The following GSE1 variants were observed in gnomAD, a reference collection of about 807,000 sequenced individuals.
GSE1 encodes the protein Gse1 coiled-coil protein.
In GSE1, 32 loss-of-function variants were observed where a neutral mutation model predicts 112.6. That is an observed-to-expected ratio of 0.28 (90% confidence interval 0.21 to 0.38). The LOEUF (loss-of-function observed/expected upper bound fraction) is 0.38. Ranked by LOEUF, GSE1 falls within the 10% of genes least tolerant of loss-of-function variation. GSE1 has a pLI of 1.00. For synonymous variants in GSE1, 1,115 were observed against 735.6 expected (o/e 1.52, Z -8.35); for missense variants, 2,348 against 1,699.2 (o/e 1.38, Z -6.71).
chr16:85,612,634 T>C (rs983471892), upstream of GSE1, among the ~76,000 whole-genome samples: 1 of 149,620 alleles, frequency 6.7e-6, no homozygotes, highest in South Asian at 2.1e-4. Flanking sequence ...TGGGGTGCCT[T>C]ATGGAATTTT....
intron 2 of GSE1, among the ~76,000 whole-genome samples, chr16:85,416,533 C>G (rs1345652776): frequency 6.6e-6 from 1 of 152,136 alleles, no homozygotes; most frequent in Non-Finnish European, 1.5e-5. Flanking sequence ...TGCGGTGTGC[C>G]CACTTGCCCT....
At chr16:85,378,328 C>A (rs11641847) in intron 2 of GSE1, among the ~76,000 whole-genome samples, 30,168 of 152,150 alleles carry the variant, frequency 0.2, 3,295 homozygotes, top group African/African-American at 0.29. Context: ...CCAGGCCAGG[C>A]GGCTTGGGGC....
chr16:85,172,372 T>A (rs1343703372), intron 1 of GSE1, among the ~76,000 whole-genome samples: 1 of 152,158 alleles, frequency 6.6e-6, no homozygotes, highest in Non-Finnish European at 1.5e-5. Context: ...GGGTGTGGAA[T>A]TTGAGGGACA....
chr16:85,171,912 C>A (rs190093098), intron 1 of GSE1: 1 of 628,836 alleles, frequency 1.6e-6, no homozygotes, highest in Non-Finnish European at 2.0e-6. Flanking sequence ...GAGGAGTTTT[C>A]ACTGGTTCTG....
intron 1 of GSE1, among the ~76,000 whole-genome samples, chr16:85,630,168 A>AC (rs1480760310): frequency 1.3e-5 from 2 of 151,814 alleles, no homozygotes; most frequent in East Asian, 1.9e-4. Flanking sequence ...ACGGCAGCTG[A>AC]CCCCCCTCCA....
chr16:85,588,144 C>T (rs958329240), intron 1 of GSE1, among the ~76,000 whole-genome samples: 7 of 152,216 alleles, frequency 4.6e-5, no homozygotes, highest in Admixed American at 2.0e-4. Flanking sequence ...GGGGTGAGCC[C>T]CTCTCCCCAG....
At chr16:85,397,857 G>A (rs568379141) in intron 2 of GSE1, among the ~76,000 whole-genome samples, 5 of 152,114 alleles carry the variant, frequency 3.3e-5, no homozygotes, top group Non-Finnish European at 4.4e-5. Flanking sequence ...CCTCCAGCCC[G>A]CATAGAAGGA....
At chr16:85,202,407 T>C (rs1001928350) in intron 1 of GSE1, among the ~76,000 whole-genome samples, 1 of 152,232 alleles carries the variant, frequency 6.6e-6, no homozygotes, top group African/African-American at 2.4e-5. Context: ...GCGGCCTGGC[T>C]TGGCTGGGAG....
chr16:85,322,361 C>T (rs16975522), intron 1 of GSE1, among the ~76,000 whole-genome samples: 4 of 152,120 alleles, frequency 2.6e-5, no homozygotes, highest in African/African-American at 9.7e-5. Context: ...TGAGAACTCC[C>T]GGAGGCTTCT....
At chr16:85,493,895 T>C (rs761724973) in intron 2 of GSE1, among the ~76,000 whole-genome samples, 1 of 149,828 alleles carries the variant, frequency 6.7e-6, no homozygotes, top group African/African-American at 2.5e-5. Flanking sequence ...GCCTGCGCAA[T>C]ATAAGTGAGA....
chr16:85,403,939 G>A (rs1451364918), intron 2 of GSE1, among the ~76,000 whole-genome samples: 2 of 152,136 alleles, frequency 1.3e-5, no homozygotes, highest in East Asian at 1.9e-4. Flanking sequence ...CAGCCTCTGG[G>A]GACTCTGGCT....
intron 5 of GSE1, 106 bp downstream of exon 5, chr16:85,655,097 G>A: frequency 1.3e-6 from 1 of 780,808 alleles, no homozygotes; most frequent in Non-Finnish European, 2.2e-6. Flanking sequence ...CAGGCTCCTA[G>A]GGGAGGGTCT....
chr16:85,189,525 T>C (rs1219203430), intron 1 of GSE1, among the ~76,000 whole-genome samples: 1 of 152,186 alleles, frequency 6.6e-6, no homozygotes. Flanking sequence ...ACAATAAAAA[T>C]GGCATTAAGT....
At chr16:85,617,604 C>A (rs1012701766) in intron 1 of GSE1, among the ~76,000 whole-genome samples, 2 of 101,106 alleles carry the variant, frequency 2.0e-5, no homozygotes, top group African/African-American at 3.4e-5. Context: ...CCTCCCCCCC[C>A]CCCCCCCGTT....
intron 2 of GSE1, among the ~76,000 whole-genome samples, chr16:85,367,430 C>G (rs2047207205): frequency 6.6e-6 from 1 of 152,232 alleles, no homozygotes; most frequent in African/African-American, 2.4e-5. Flanking sequence ...CAGACACAAC[C>G]CCTGCCCCGA....
intron 3 of GSE1, among the ~76,000 whole-genome samples, chr16:85,650,648 G>A (rs909082866): frequency 5.3e-5 from 8 of 152,186 alleles, no homozygotes; most frequent in African/African-American, 1.2e-4. Context: ...GTGTACCACC[G>A]CGGCGCTTAA....
In GSE1 at chr16:85,422,117, T is replaced by C. The variant is rs368245293; in HGVS notation, c.2464+64474T>C. Among the ~76,000 whole-genome samples, 19 of 151,850 alleles carry C rather than the reference T, an allele frequency of 1.3e-4. No homozygotes were observed. The East Asian group carries it at 3.3e-3, about 26-fold the overall frequency. On this transcript the variant is annotated intron_variant, in intron 2 of 2. Transcript: ENST00000637419. ...CAGGCAGGCCATCATCGAACCCCCA[T>C]GTCCCCAGGGTGTGCCCGGGTCATC...
At chr16:85,328,507 C>T (rs918615589) in intron 1 of GSE1, among the ~76,000 whole-genome samples, 1 of 152,248 alleles carries the variant, frequency 6.6e-6, no homozygotes, top group South Asian at 2.1e-4. Flanking sequence ...AGCTCTCAGC[C>T]GACTGGCGGG....
intron 2 of GSE1, among the ~76,000 whole-genome samples, chr16:85,540,989 C>T (rs113192955): frequency 6.6e-6 from 1 of 152,008 alleles, no homozygotes; most frequent in African/African-American, 2.4e-5. Context: ...CAGGCCACTT[C>T]GCCAAGCAGG....
Sources: gnomAD v4.1 joint callset for allele counts (sites outside exome capture counted in the v4.1 genomes callset) on GRCh38, gnomAD v4.1.1 for gene constraint, MANE v1.5 for transcripts, NCBI Gene and HGNC (gene_info 2026-07-23, HGNC 2026-07-21) for gene names.